MED13L: variants seen among roughly 807,000 people sequenced by gnomAD.
MED13L encodes the protein mediator complex subunit 13L, also known as mediator of RNA polymerase II transcription subunit 13-like.
A neutral mutation model predicts 220.9 loss-of-function variants in MED13L; 7 were observed. The observed-to-expected ratio is 0.03, with a 90% CI of 0.02 to 0.06. MED13L has a LOEUF of 0.06. Among genes scored for constraint, MED13L ranks in the 10% least tolerant of loss-of-function variants. MED13L has a pLI of 1.00. For missense variants in MED13L, 1,965 were observed against 2,760.5 expected (o/e 0.71, Z 6.46); for synonymous variants, 1,011 against 1,015.2 (o/e 1.00, Z 0.08).
intron 17 of MED13L, among the ~76,000 whole-genome samples, chr12:115,989,186 C>T (rs1877895451): frequency 6.6e-6 from 1 of 152,146 alleles, no homozygotes; most frequent in Admixed American, 6.5e-5. Context: ...GAGAGTTGTT[C>T]AGAAGCCGGG....
intron 2 of MED13L, among the ~76,000 whole-genome samples, chr12:116,224,003 C>T (rs1003822814): frequency 2.6e-5 from 4 of 152,154 alleles, no homozygotes; most frequent in African/African-American, 4.8e-5. Flanking sequence ...CCAGGAATTA[C>T]GTTCCAATTT....
intron 2 of MED13L, among the ~76,000 whole-genome samples, chr12:116,236,311 G>C (rs1279488818): frequency 6.6e-6 from 1 of 152,088 alleles, no homozygotes; most frequent in Non-Finnish European, 1.5e-5. Flanking sequence ...GGACCATAAA[G>C]TAAACAGTTC....
intron 1 of MED13L, among the ~76,000 whole-genome samples, chr12:116,244,024 T>C (rs771624886): frequency 1.1e-4 from 16 of 152,170 alleles, no homozygotes; most frequent in Non-Finnish European, 1.6e-4. Context: ...TTCAGGAAAC[T>C]ATTGAAAGAG....
At chr12:116,237,246 G>A (rs1870166599) in intron 2 of MED13L, among the ~76,000 whole-genome samples, 1 of 152,022 alleles carries the variant, frequency 6.6e-6, no homozygotes, top group South Asian at 2.1e-4. Flanking sequence ...AACAGCAGCG[G>A]TTCACAAGGT....
In MED13L at chr12:116,002,373, A is replaced by G. The variant is rs540023682; in HGVS notation, c.2569+630T>C. Among the ~76,000 whole-genome samples the G allele has an allele frequency of 5.9e-5, 9 of 152,322 alleles. No individual in the cohort carries two copies. In the East Asian group the frequency reaches 1.3e-3, roughly 23 times the overall value. On this transcript the variant is annotated intron_variant, in intron 14 of 30. Coordinates refer to ENST00000281928, the MANE Select transcript of MED13L (RefSeq NM_015335.5). ...CTCATTACCAGCTGAAGTTAATGAG[A>G]AGGTGTTAAAGAATGATTTGCAATG...
rs777977808 is a variant in MED13L, at chr12:115,987,122, T to G, written c.4101A>C (p.Gly1367=). 1 of 1,614,136 alleles carries G rather than the reference T, an allele frequency of 6.2e-7. No individual in the cohort carries two copies. The highest frequency in any genetic ancestry group is 2.2e-5 in the East Asian group (1 of 44,882). Residue 1367 remains glycine (G), a synonymous_variant, in exon 18 of 31, where the codon GGA becomes GGC. Transcript: ENST00000281928. ...CAAAGACCCTACCGTAGGTTCCCCG[T>G]CCTGCCATTTTATGGAACTGCTGCC... ...LTWQQFHKMA[G]RGTYGSEESP...
intron 2 of MED13L, among the ~76,000 whole-genome samples, chr12:116,208,450 C>T (rs542526696): frequency 1.3e-5 from 2 of 152,162 alleles, no homozygotes; most frequent in Non-Finnish European, 2.9e-5. Flanking sequence ...TTTTAATCCA[C>T]GAGTTCACGA....
chr12:115,992,142 G>A (rs1427817904), intron 16 of MED13L, among the ~76,000 whole-genome samples, 185 bp from the exon 17 acceptor site: 1 of 151,760 alleles, frequency 6.6e-6, no homozygotes, highest in African/African-American at 2.4e-5. Context: ...AGTGCAGTGT[G>A]TAGAGAAGAA....
At chr12:116,059,199 T>C (rs767271555) in intron 4 of MED13L, among the ~76,000 whole-genome samples, 1 of 151,974 alleles carries the variant, frequency 6.6e-6, no homozygotes. Flanking sequence ...TCCCAAGTGG[T>C]TGGGACTACA....
chr12:116,276,005 G>T (rs1369533082), intron 1 of MED13L, among the ~76,000 whole-genome samples: 1 of 152,182 alleles, frequency 6.6e-6, no homozygotes, highest in Admixed American at 6.5e-5. Context: ...GTTTAACAAC[G>T]TGAATGTTTT....
chr12:116,118,225 C>G (rs1028983820), intron 2 of MED13L, among the ~76,000 whole-genome samples: 1 of 151,890 alleles, frequency 6.6e-6, no homozygotes, highest in African/African-American at 2.4e-5. Context: ...AGTTTGGGCA[C>G]TAAGTTAATA....
At position 115,958,914 on chromosome 12, in the gene MED13L, A is replaced by T. The variant is rs747760561; in HGVS notation, c.*2352T>A. 6.6e-6 allele frequency: 1 copy of T among 152,598 alleles called. No homozygotes were observed. Among genetic ancestry groups the T allele is most frequent in the Non-Finnish European group, 1.5e-5 (1 of 68,020 alleles). 9.5% of individuals were successfully genotyped at this position (152,598 alleles called of 1,614,324 possible). On this transcript the variant is annotated 3_prime_UTR_variant, in exon 31 of 31. Transcript: ENST00000281928. ...TGAAATATACATACAAGCATGCTGG[A>T]CAATCCCACCCTTTTCCCCTCCCCA...
intron 2 of MED13L, among the ~76,000 whole-genome samples, chr12:116,156,432 G>C (rs1434796636): frequency 7.1e-6 from 1 of 140,564 alleles, no homozygotes; most frequent in African/African-American, 2.6e-5. Context: ...AACTTTTATA[G>C]TCCAAAATGA....
chr12:116,072,546 G>A (rs1416782940), intron 4 of MED13L, among the ~76,000 whole-genome samples: 1 of 152,146 alleles, frequency 6.6e-6, no homozygotes, highest in African/African-American at 2.4e-5. Context: ...CCGCCTCCCG[G>A]GTTCAAGCAA....
chr12:116,052,078 TACACACAC>T (rs79990251), intron 4 of MED13L, among the ~76,000 whole-genome samples: 26 of 149,594 alleles, frequency 1.7e-4, no homozygotes, highest in East Asian at 3.9e-4. Context: ...CCTACACACA[TACACACAC>T]ACACACACAC....
At chr12:116,088,809 G>A (rs1310111811) in intron 4 of MED13L, among the ~76,000 whole-genome samples, 12 of 149,162 alleles carry the variant, frequency 8.0e-5, no homozygotes, top group African/African-American at 1.5e-4. Flanking sequence ...AAAAAAAAAA[G>A]GAGAAAAGAA....
intron 13 of MED13L, among the ~76,000 whole-genome samples, chr12:116,005,642 G>A (rs890176231): frequency 1.3e-5 from 2 of 152,038 alleles, no homozygotes; most frequent in Non-Finnish European, 2.9e-5. Flanking sequence ...AACAAAACTC[G>A]AGGTGGATAC....
chr12:115,961,609 A>T (rs1875760372), intron 30 of MED13L: 6 of 667,462 alleles, frequency 9.0e-6, no homozygotes, highest in Non-Finnish European at 1.3e-5. Context: ...ACACATGGCC[A>T]TTGAGCTCCG....
chr12:115,961,667 C>T (rs1206878749), intron 30 of MED13L: 21 of 491,894 alleles, frequency 4.3e-5, no homozygotes, highest in Admixed American at 1.3e-4. Flanking sequence ...AAAGTAGGCA[C>T]TGGAGCCCAA....
Sources: gnomAD v4.1 joint callset for allele counts (sites outside exome capture counted in the v4.1 genomes callset) on GRCh38, gnomAD v4.1.1 for gene constraint, MANE v1.5 for transcripts, NCBI Gene and HGNC (gene_info 2026-07-23, HGNC 2026-07-21) for gene names.